Variants in PTPRD observed in about 807,000 individuals in gnomAD.
PTPRD encodes receptor-type tyrosine-protein phosphatase delta.
In PTPRD, 34 loss-of-function variants were observed where a neutral mutation model predicts 214.5. The observed-to-expected ratio is 0.16, with a 90% CI of 0.12 to 0.21. The LOEUF (loss-of-function observed/expected upper bound fraction) is 0.21. Ranked by LOEUF, PTPRD falls within the 10% of genes least tolerant of loss-of-function variation. PTPRD has a pLI of 1.00. For synonymous variants in PTPRD, 1,128 were observed against 845.7 expected (o/e 1.33, Z -5.79); for missense variants, 2,545 against 2,398.7 (o/e 1.06, Z -1.27).
At chr9:8,925,524 C>CAAA (rs34721755) in intron 11 of PTPRD, among the ~76,000 whole-genome samples, 3 of 149,626 alleles carry the variant, frequency 2.0e-5, no homozygotes, top group African/African-American at 7.4e-5. Context: ...AGAAAACAAA[C>CAAA]AAAAAAAACC....
intron 3 of PTPRD, among the ~76,000 whole-genome samples, chr9:10,202,307 C>G (rs139590877): frequency 2.0e-5 from 3 of 151,834 alleles, no homozygotes; most frequent in Non-Finnish European, 4.4e-5. Context: ...AGGAGCCCCC[C>G]CACAACCAGG....
intron 14 of PTPRD, among the ~76,000 whole-genome samples, chr9:8,602,617 C>G (rs1399370979): frequency 6.6e-6 from 1 of 152,218 alleles, no homozygotes; most frequent in Non-Finnish European, 1.5e-5. Flanking sequence ...CCTTCAACAT[C>G]TCTTTGTAAT....
intron 3 of PTPRD, among the ~76,000 whole-genome samples, chr9:10,232,597 CAG>C (rs777384833): frequency 3.9e-5 from 6 of 151,996 alleles, no homozygotes; most frequent in Non-Finnish European, 7.4e-5. Context: ...TTTGCATCTC[CAG>C]AGTCTTGTAA....
chr9:9,021,284 T>G (rs983843144), intron 10 of PTPRD, among the ~76,000 whole-genome samples: 1 of 152,128 alleles, frequency 6.6e-6, no homozygotes, highest in African/African-American at 2.4e-5. Flanking sequence ...AGCTGAAAAA[T>G]TCTTATCATC....
At position 8,316,989 on chromosome 9, in the gene PTPRD, T is replaced by A; in HGVS notation, c.*885A>T. 4.3e-6 allele frequency: 1 copy of A among 231,272 alleles called. No individual in the cohort carries two copies. The highest frequency in any genetic ancestry group is 6.1e-5 in the East Asian group (1 of 16,352). The allele number at this position is 231,272 out of a possible 1,614,324, so 14.3% of individuals were successfully genotyped here. ...AATATGGATATATATGTATATATGT[T>A]AGCAGCAACTTTATACTTTGCGCCT... On this transcript the variant is annotated 3_prime_UTR_variant, in exon 46 of 46. Transcript: ENST00000381196.
intron 9 of PTPRD, among the ~76,000 whole-genome samples, chr9:9,345,225 G>A (rs955542549): frequency 2.0e-5 from 3 of 152,044 alleles, no homozygotes; most frequent in African/African-American, 7.2e-5. Flanking sequence ...CTTGCACTTA[G>A]AGATATATTA....
At chr9:8,728,872 C>G (rs58848956) in intron 12 of PTPRD, among the ~76,000 whole-genome samples, 1 of 151,894 alleles carries the variant, frequency 6.6e-6, no homozygotes, top group Admixed American at 6.6e-5. Flanking sequence ...CCCAGCTACT[C>G]GGGAGGCTGA....
chr9:9,582,338 C>T (rs1296910725), intron 7 of PTPRD, among the ~76,000 whole-genome samples: 1 of 141,930 alleles, frequency 7.0e-6, no homozygotes, highest in African/African-American at 2.7e-5. Flanking sequence ...AGTAAAATTT[C>T]TGGTTAGAAT....
intron 11 of PTPRD, among the ~76,000 whole-genome samples, chr9:8,902,231 G>A (rs1290641944): frequency 6.6e-6 from 1 of 152,076 alleles, no homozygotes; most frequent in Non-Finnish European, 1.5e-5. Flanking sequence ...AAGTGTTGTT[G>A]GTAGAACAGC....
chr9:10,152,021 G>C (rs1465574474), intron 3 of PTPRD, among the ~76,000 whole-genome samples: 1 of 152,136 alleles, frequency 6.6e-6, no homozygotes, highest in African/African-American at 2.4e-5. Flanking sequence ...TAGGTTTTAG[G>C]GAATATGTTT....
intron 11 of PTPRD, among the ~76,000 whole-genome samples, chr9:8,884,697 C>T (rs1189203862): frequency 6.6e-6 from 1 of 152,212 alleles, no homozygotes; most frequent in East Asian, 1.9e-4. Flanking sequence ...TTGAAATCCA[C>T]AATAGAAAGG....
rs555333647 is a variant in PTPRD, at chr9:8,756,892, G to C, written c.-103-22946C>G. 5.9e-5 allele frequency among the ~76,000 whole-genome samples: 9 copies of C among 152,218 alleles called. No individual in the cohort carries two copies. In the South Asian group the frequency reaches 1.9e-3, roughly 32 times the overall value. On this transcript the variant is annotated intron_variant, in intron 11 of 45. Transcript: ENST00000381196. Reference sequence around the variant, plus strand: ...GCTGTGGCTCAAGCATGTAATCCCAGCACCTTGGGAGGCCGAGGTGGGCAG... The same window carrying C: ...GCTGTGGCTCAAGCATGTAATCCCACCACCTTGGGAGGCCGAGGTGGGCAG...
At chr9:9,931,677 C>A (rs186368976) in intron 5 of PTPRD, among the ~76,000 whole-genome samples, 50,651 of 148,720 alleles carry the variant, frequency 0.34, 9,220 homozygotes, top group East Asian at 0.64. Context: ...CCCAGGCGTG[C>A]TTAGGTAAAC....
intron 6 of PTPRD, among the ~76,000 whole-genome samples, chr9:9,747,454 C>T (rs1450680717): frequency 6.6e-6 from 1 of 151,822 alleles, no homozygotes; most frequent in East Asian, 1.9e-4. Flanking sequence ...CGTTACAAAA[C>T]TGGGGCTGAA....
intron 4 of PTPRD, among the ~76,000 whole-genome samples, chr9:9,974,372 G>C (rs896895140): frequency 1.3e-5 from 2 of 152,094 alleles, no homozygotes; most frequent in African/African-American, 4.8e-5. Flanking sequence ...TTGCTATTAA[G>C]GAAACTGCCC....
At chr9:8,826,706 G>C (rs1474203114) in intron 11 of PTPRD, among the ~76,000 whole-genome samples, 1 of 151,200 alleles carries the variant, frequency 6.6e-6, no homozygotes, top group East Asian at 1.9e-4. Flanking sequence ...TCTCCTGCTG[G>C]ACGGTAAGCC....
At chr9:10,132,292 A>G (rs1180374492) in intron 3 of PTPRD, among the ~76,000 whole-genome samples, 1 of 152,174 alleles carries the variant, frequency 6.6e-6, no homozygotes, top group African/African-American at 2.4e-5. Context: ...CTGATTTATC[A>G]TTGTTTAATA....
intron 5 of PTPRD, among the ~76,000 whole-genome samples, chr9:9,781,157 T>C (rs1332492574): frequency 6.6e-6 from 1 of 152,054 alleles, no homozygotes; most frequent in East Asian, 1.9e-4. Context: ...AGAACAACAG[T>C]GAGCCCAGAT....
At chr9:9,740,862 A>G (rs537566475) in intron 6 of PTPRD, among the ~76,000 whole-genome samples, 29 of 152,326 alleles carry the variant, frequency 1.9e-4, no homozygotes, top group Non-Finnish European at 1.3e-4. Flanking sequence ...CTTTGACTGG[A>G]GTGAATACAT....
Sources: allele counts gnomAD v4.1 joint callset (sites outside exome capture counted in the v4.1 genomes callset), GRCh38; gene constraint gnomAD v4.1.1; transcripts MANE v1.5; gene names NCBI Gene and HGNC (gene_info 2026-07-23, HGNC 2026-07-21).